The following ZNF536 variants were observed in gnomAD, a reference collection of about 807,000 sequenced individuals.
ZNF536 encodes zinc finger protein 536.
A neutral mutation model predicts 84.5 loss-of-function variants in ZNF536; 13 were observed. The observed-to-expected ratio is 0.15, with a 90% CI of 0.10 to 0.24. ZNF536 has a LOEUF of 0.24. ZNF536 is among the 10% of genes least tolerant of loss of function. The pLI, the probability that ZNF536 is intolerant of heterozygous loss-of-function variation, is 1.00. For missense variants in ZNF536, 1,536 were observed against 1,747.5 expected (o/e 0.88, Z 2.16); for synonymous variants, 811 against 742.5 (o/e 1.09, Z -1.50).
chr19:30,434,443 A>G (rs530179606), intron 1 of ZNF536, among the ~76,000 whole-genome samples: 1 of 152,200 alleles, frequency 6.6e-6, no homozygotes, highest in East Asian at 1.9e-4. Flanking sequence ...CATTTCCCAA[A>G]TGACTGAGCT....
chr19:30,316,112 G>A (rs2046670359), intron 2 of ZNF536, among the ~76,000 whole-genome samples: 1 of 152,176 alleles, frequency 6.6e-6, no homozygotes, highest in Non-Finnish European at 1.5e-5. Flanking sequence ...ACAAGTTTGG[G>A]TATTTCTGTA....
chr19:30,454,828 T>A (rs1438026962), intron 2 of ZNF536, among the ~76,000 whole-genome samples: 1 of 151,988 alleles, frequency 6.6e-6, no homozygotes, highest in African/African-American at 2.4e-5. Flanking sequence ...AGGTCAGGAG[T>A]TCGAGACCAG....
At chr19:30,652,501 C>G (rs2049746729) in intron 1 of ZNF536, among the ~76,000 whole-genome samples, 1 of 152,124 alleles carries the variant, frequency 6.6e-6, no homozygotes, top group South Asian at 2.1e-4. Context: ...CTGACGAGGC[C>G]TGGGGATCTG....
chr19:30,595,062 G>C (rs2047411939), intron 1 of ZNF536, among the ~76,000 whole-genome samples: 1 of 152,110 alleles, frequency 6.6e-6, no homozygotes, highest in Admixed American at 6.5e-5. Context: ...CACAGAGGTA[G>C]GTCTCAAAGT....
intron 1 of ZNF536, among the ~76,000 whole-genome samples, chr19:30,413,683 A>G (rs2050590385): frequency 1.3e-5 from 2 of 152,170 alleles, no homozygotes; most frequent in African/African-American, 4.8e-5. Context: ...TTTGCATTAC[A>G]TTACCCGCTT....
At chr19:30,558,821 T>C (rs2146395889), downstream of ZNF536, among the ~76,000 whole-genome samples, 1 of 152,278 alleles carries the variant, frequency 6.6e-6, no homozygotes, top group East Asian at 1.9e-4. Context: ...CTTGTCTAAC[T>C]GGTCCTTTTG....
chr19:30,652,283 T>C (rs1161505335), intron 1 of ZNF536, among the ~76,000 whole-genome samples: 2 of 152,340 alleles, frequency 1.3e-5, no homozygotes, highest in East Asian at 3.9e-4. Flanking sequence ...TTTCTTCTCA[T>C]TGATGTGATA....
chr19:30,469,080 A>G (rs2053529185), intron 2 of ZNF536, among the ~76,000 whole-genome samples: 2 of 152,064 alleles, frequency 1.3e-5, no homozygotes. Context: ...CCCCTGCAAC[A>G]TGGTGCTGTT....
upstream of ZNF536, among the ~76,000 whole-genome samples, chr19:30,226,451 GGCGCC>G (rs1381473585): frequency 1.8e-3 from 279 of 152,094 alleles, 1 homozygote; most frequent in Middle Eastern, 0.024. The surrounding 1 kb of genome is among the most constrained non-coding windows in gnomAD (Gnocchi z 4.6). Flanking sequence ...CAAACTTGCG[GGCGCC>G]GAGAGCCGCT....
At chr19:30,435,961 C>T (rs920224305) in intron 1 of ZNF536, among the ~76,000 whole-genome samples, 8 of 152,162 alleles carry the variant, frequency 5.3e-5, no homozygotes, top group African/African-American at 1.9e-4. Flanking sequence ...CAAAAATGGT[C>T]ACGTCTTTGA....
intron 2 of ZNF536, among the ~76,000 whole-genome samples, chr19:30,508,311 C>T (rs575661513): frequency 2.0e-5 from 3 of 152,192 alleles, no homozygotes; most frequent in African/African-American, 7.2e-5. Context: ...CAGACCCCTG[C>T]CTGAGTGGCT....
At chr19:30,385,390 G>C (rs529463632) in intron 1 of ZNF536, among the ~76,000 whole-genome samples, 1 of 152,232 alleles carries the variant, frequency 6.6e-6, no homozygotes, top group East Asian at 1.9e-4. Context: ...TGGTTGCACT[G>C]GGGGGACAGC....
rs1335715976 is a variant in ZNF536, at chr19:30,444,576, C to T, written c.1014C>T (p.Gly338=). The change falls in exon 2 of 5, where the codon GGC becomes GGT. Residue 338 remains glycine, a synonymous_variant. Transcript: ENST00000355537. ...SAQGQGPNGG[G]EQSANEFRCE... ...AGGGCCAGGGCCCCAACGGCGGTGG[C>T]GAGCAGTCGGCCAACGAGTTCCGCT... 6.2e-7 allele frequency: 1 copy of T among 1,613,640 alleles called. No individual in the cohort carries two copies. The highest frequency in any genetic ancestry group is 8.5e-7 in the Non-Finnish European group (1 of 1,180,000).
Position 30,265,229 on chromosome 19 carries a change from A to C in ZNF536, c.-189-18843A>C, listed in dbSNP as rs79679641. On this transcript the variant is annotated intron_variant, in intron 1 of 5. Transcript: ENST00000585628. ...GTCTTCAGTACCTCAGTCTAGCCCA[A>C]ACATTTCCCAAATGCTCGGGTGCAA... 2.0e-3 allele frequency among the ~76,000 whole-genome samples: 305 copies of C among 152,102 alleles called. 11 individuals carry two copies. In the East Asian group the frequency reaches 0.051, roughly 25 times the overall value.
chr19:30,559,632 C>G (rs986017125), downstream of ZNF536, among the ~76,000 whole-genome samples: 28 of 152,298 alleles, frequency 1.8e-4, no homozygotes, highest in African/African-American at 6.7e-4. Flanking sequence ...TGCCAGTCCT[C>G]CTGGGATGGG....
intron 1 of ZNF536, among the ~76,000 whole-genome samples, chr19:30,640,597 T>C (rs2049233488): frequency 6.6e-6 from 1 of 152,160 alleles, no homozygotes; most frequent in African/African-American, 2.4e-5. Flanking sequence ...TCCAGGCTTC[T>C]CCCTGCACCG....
At chr19:30,248,225 T>C (rs914854841) in intron 1 of ZNF536, among the ~76,000 whole-genome samples, 13 of 79,032 alleles carry the variant, frequency 1.6e-4, no homozygotes, top group South Asian at 4.5e-4. Flanking sequence ...CTTTTCTTTC[T>C]TTTTTTTTTT....
intron 1 of ZNF536, among the ~76,000 whole-genome samples, chr19:30,383,702 T>A (rs1277462890): frequency 5.3e-4 from 1 of 1,894 alleles, no homozygotes; most frequent in Non-Finnish European, 1.2e-3. Context: ...CTTTTCTTTC[T>A]CTTTCTTTCT....
chr19:30,361,944 C>T (rs1308558100), intron 3 of ZNF536, among the ~76,000 whole-genome samples: 2 of 152,224 alleles, frequency 1.3e-5, no homozygotes, highest in South Asian at 4.1e-4. Flanking sequence ...GCTGTGAGGC[C>T]GTGCATTAGG....
Sources: gnomAD v4.1 joint callset for allele counts (sites outside exome capture counted in the v4.1 genomes callset) on GRCh38, gnomAD v4.1.1 for gene constraint, Gnocchi (gnomAD v3.1) non-coding constraint, MANE v1.5 for transcripts, NCBI Gene and HGNC (gene_info 2026-07-23, HGNC 2026-07-21) for gene names.